CLASP1: variants seen among roughly 807,000 people sequenced by gnomAD.
CLASP1 encodes cytoplasmic linker associated protein 1, also known as CLIP-associating protein 1.
Under a neutral mutation model 192.3 loss-of-function variants are expected in CLASP1, and 38 were observed. That is an observed-to-expected ratio of 0.20 (90% confidence interval 0.15 to 0.26). The LOEUF (loss-of-function observed/expected upper bound fraction) is 0.26, where lower values mean the gene tolerates loss of function less well. Ranked by LOEUF, CLASP1 falls within the 10% of genes least tolerant of loss-of-function variation. CLASP1 has a pLI of 1.00. For missense variants in CLASP1, 1,433 were observed against 1,932.5 expected (o/e 0.74, Z 4.85); for synonymous variants, 691 against 712.8 (o/e 0.97, Z 0.49).
chr2:121,444,396 T>A (rs2083941362), intron 19 of CLASP1, among the ~76,000 whole-genome samples: 1 of 152,120 alleles, frequency 6.6e-6, no homozygotes, highest in South Asian at 2.1e-4. Context: ...AAAAATAGCA[T>A]CATATAAGTC....
chr2:121,436,854 C>T (rs1165043155), intron 19 of CLASP1, among the ~76,000 whole-genome samples: 1 of 152,212 alleles, frequency 6.6e-6, no homozygotes, highest in Non-Finnish European at 1.5e-5. Flanking sequence ...ACAACTCTGT[C>T]ATATTTTCTA....
At chr2:121,392,473 T>A (rs2149409232) in intron 30 of CLASP1, among the ~76,000 whole-genome samples, 1 of 152,336 alleles carries the variant, frequency 6.6e-6, no homozygotes, top group South Asian at 2.1e-4. Context: ...AGATAAGTGT[T>A]ATTTATGTAT....
intron 8 of CLASP1, among the ~76,000 whole-genome samples, chr2:121,502,304 A>AG (rs1438938530): frequency 6.6e-6 from 1 of 152,246 alleles, no homozygotes; most frequent in African/African-American, 2.4e-5. Flanking sequence ...AATAAAGTAA[A>AG]GGTCCTGCTC....
chr2:121,550,669 C>G (rs2057951952), intron 2 of CLASP1, among the ~76,000 whole-genome samples: 1 of 152,198 alleles, frequency 6.6e-6, no homozygotes, highest in Non-Finnish European at 1.5e-5. Context: ...TGGACACATA[C>G]AGTCTCCTAA....
At chr2:121,531,945 G>A (rs973183631) in intron 2 of CLASP1, among the ~76,000 whole-genome samples, 2 of 152,066 alleles carry the variant, frequency 1.3e-5, no homozygotes, top group Non-Finnish European at 2.9e-5. Flanking sequence ...CCCTTCCTCC[G>A]TATGAAGCAG....
intron 19 of CLASP1, among the ~76,000 whole-genome samples, chr2:121,433,941 A>AT (rs71398030): frequency 5.3e-5 from 8 of 150,930 alleles, no homozygotes; most frequent in South Asian, 2.1e-4. Context: ...TTTTATTATT[A>AT]TTTTTTTTTG....
chr2:121,625,426 C>CTTTTTTTTTTT (rs1559804182), intron 1 of CLASP1, among the ~76,000 whole-genome samples: 11 of 128,280 alleles, frequency 8.6e-5, no homozygotes, highest in African/African-American at 2.9e-4. Flanking sequence ...TTCTTTCTTT[C>CTTTTTTTTTTT]ATTTTTTTTT....
intron 9 of CLASP1, among the ~76,000 whole-genome samples, chr2:121,467,064 A>G (rs1462055869): frequency 2.0e-5 from 3 of 152,196 alleles, no homozygotes; most frequent in Admixed American, 6.5e-5. Flanking sequence ...AAGTGAGAAC[A>G]TGTAGTATTT....
At chr2:121,531,386 G>A (rs940050385) in intron 2 of CLASP1, among the ~76,000 whole-genome samples, 7 of 152,100 alleles carry the variant, frequency 4.6e-5, no homozygotes, top group East Asian at 1.9e-4. Context: ...ACGAGGTCAG[G>A]AGATCGAGAC....
intron 8 of CLASP1, among the ~76,000 whole-genome samples, chr2:121,474,721 G>A (rs2091380292): frequency 6.6e-6 from 1 of 152,120 alleles, no homozygotes; most frequent in Non-Finnish European, 1.5e-5. Flanking sequence ...GGGTGACAGA[G>A]CGAGACTCCG....
intron 1 of CLASP1, among the ~76,000 whole-genome samples, chr2:121,618,014 C>G (rs942784662): frequency 1.3e-5 from 2 of 152,196 alleles, no homozygotes; most frequent in Admixed American, 1.3e-4. Flanking sequence ...TTTCATCTTT[C>G]AGACTTCAGC....
At chr2:121,601,557 G>A (rs564166807) in intron 2 of CLASP1, among the ~76,000 whole-genome samples, 13 of 152,046 alleles carry the variant, frequency 8.6e-5, no homozygotes, top group East Asian at 3.9e-4. Context: ...GGCATGAGCC[G>A]TCGCACTCAG....
chr2:121,421,992 G>C (rs2079580902), intron 22 of CLASP1, among the ~76,000 whole-genome samples: 1 of 152,200 alleles, frequency 6.6e-6, no homozygotes, highest in Non-Finnish European at 1.5e-5. Flanking sequence ...AGGCATAAGA[G>C]GGAGAGACCA....
At chr2:121,504,462 T>A (rs1395366489) in intron 7 of CLASP1, among the ~76,000 whole-genome samples, 1 of 152,188 alleles carries the variant, frequency 6.6e-6, no homozygotes, top group African/African-American at 2.4e-5. Context: ...TTTTGGTATT[T>A]GTACCAAACA....
intron 8 of CLASP1, among the ~76,000 whole-genome samples, chr2:121,497,721 T>C (rs1434788900): frequency 6.6e-6 from 1 of 151,992 alleles, no homozygotes; most frequent in African/African-American, 2.4e-5. Flanking sequence ...TTTTCTTTCT[T>C]TCTTTCTTTC....
At position 121,518,594 on chromosome 2, in the gene CLASP1, G is replaced by A. The variant is rs550563956; in HGVS notation, c.547-2832C>T. On this transcript the variant is annotated intron_variant, in intron 6 of 39. Transcript: ENST00000263710. ...TTTTACATTGAAAATGCGGTCGGGC[G>A]CGGTGGCTCATGCCTGTAATCCCAG... Among the ~76,000 whole-genome samples the A allele has an allele frequency of 1.7e-4, 26 of 152,244 alleles. No individual in the cohort carries two copies. The South Asian group carries it at 1.9e-3, about 11-fold the overall frequency.
At chr2:121,427,418 G>A in exon 21 of CLASP1, 1 of 1,613,022 alleles carries the variant, frequency 6.2e-7, no homozygotes, top group Non-Finnish European at 8.5e-7. Flanking sequence ...AGCAGGATTA[G>A]CAGATCTGGA....
chr2:121,365,040 AT>A, intron 36 of CLASP1, 53 bp downstream of exon 37: 1 of 1,532,156 alleles, frequency 6.5e-7, no homozygotes. Context: ...AGAAAAGGAC[AT>A]CGTGACCCCA....
intron 30 of CLASP1, among the ~76,000 whole-genome samples, chr2:121,390,592 T>C (rs759776974): frequency 9.9e-5 from 15 of 152,218 alleles, no homozygotes; most frequent in Non-Finnish European, 1.9e-4. Flanking sequence ...GCACATCTTA[T>C]AGCAGAAAGG....
Sources: gnomAD v4.1 joint callset for allele counts (sites outside exome capture counted in the v4.1 genomes callset) on GRCh38, gnomAD v4.1.1 for gene constraint, MANE v1.5 for transcripts, NCBI Gene and HGNC (gene_info 2026-07-23, HGNC 2026-07-21) for gene names.